SEM1: variants seen among roughly 807,000 people sequenced by gnomAD.
SEM1 encodes 26S proteasome complex subunit SEM1.
SEM1 carries 3 observed loss-of-function variants against 12.7 expected under a neutral mutation model. That is an observed-to-expected ratio of 0.24 (90% confidence interval 0.11 to 0.61). The LOEUF (loss-of-function observed/expected upper bound fraction) is 0.61, where lower values mean the gene tolerates loss of function less well. Among genes scored for constraint, SEM1 ranks in the 20% least tolerant of loss-of-function variants. SEM1 has a pLI of 0.88. For missense variants in SEM1, 59 were observed against 81.3 expected, an observed-to-expected ratio of 0.73 and a Z score of 1.06; for synonymous variants, 30 against 27.8, an observed-to-expected ratio of 1.08 and a Z score of -0.25.
intron 2 of SEM1, among the ~76,000 whole-genome samples, chr7:96,556,144 A>G (rs1271507303): frequency 6.6e-6 from 1 of 152,062 alleles, no homozygotes; most frequent in Non-Finnish European, 1.5e-5. Context: ...CTCTTTATCC[A>G]GTTTGCCAGT....
downstream of SEM1, among the ~76,000 whole-genome samples, chr7:96,670,518 C>A (rs574478638): frequency 5.9e-5 from 9 of 151,988 alleles, no homozygotes; most frequent in Non-Finnish European, 1.3e-4. Context: ...ATATAGATGC[C>A]AGGGAGATGG....
chr7:96,663,412 G>T (rs1422360288), intron 2 of SEM1, among the ~76,000 whole-genome samples: 2 of 152,216 alleles, frequency 1.3e-5, no homozygotes, highest in African/African-American at 4.8e-5. Context: ...CAAGAGATTT[G>T]CTGGGGACAG....
At chr7:96,482,555 T>G (rs1219566252) in exon 4 of SEM1, 1 of 152,152 alleles carries the variant, frequency 6.6e-6, no homozygotes, top group Non-Finnish European at 1.5e-5. Context: ...CTTACTTTCT[T>G]GATAAAGTTA....
chr7:96,560,831 A>G (rs1224585770), intron 2 of SEM1, among the ~76,000 whole-genome samples: 1 of 151,972 alleles, frequency 6.6e-6, no homozygotes, highest in Non-Finnish European at 1.5e-5. Context: ...ATCATTTTCC[A>G]TTTGATTTTA....
At chr7:96,649,200 C>A (rs1808891336) in intron 2 of SEM1, 1 of 152,170 alleles carries the variant, frequency 6.6e-6, no homozygotes, top group South Asian at 2.1e-4. Flanking sequence ...GCAGATAGAT[C>A]TAGCAATGAA....
At chr7:96,506,782 A>G (rs1803767976) in intron 2 of SEM1, 1 of 152,146 alleles carries the variant, frequency 6.6e-6, no homozygotes, top group South Asian at 2.1e-4. Flanking sequence ...CAAATATGTG[A>G]TAAAAATTCA....
chr7:96,592,468 T>C (rs754665017), intron 2 of SEM1, among the ~76,000 whole-genome samples: 5 of 151,916 alleles, frequency 3.3e-5, no homozygotes, highest in African/African-American at 1.2e-4. Context: ...CAGCTGGAGA[T>C]TGTCATATTC....
chr7:96,616,852 G>T (rs1247458719), intron 2 of SEM1, among the ~76,000 whole-genome samples: 1 of 152,000 alleles, frequency 6.6e-6, no homozygotes, highest in Non-Finnish European at 1.5e-5. Context: ...AGATCAGTTT[G>T]TTGTAATTAT....
downstream of SEM1, among the ~76,000 whole-genome samples, chr7:96,686,683 C>T (rs1789768107): frequency 6.6e-6 from 1 of 152,084 alleles, no homozygotes; most frequent in Non-Finnish European, 1.5e-5. Flanking sequence ...ACCATAAAAA[C>T]CCTAGAAGAA....
chr7:96,569,288 T>C (rs1805944576), intron 2 of SEM1, among the ~76,000 whole-genome samples: 1 of 152,020 alleles, frequency 6.6e-6, no homozygotes, highest in Admixed American at 6.6e-5. Context: ...AACAGATCTT[T>C]TGAAAAGAAA....
upstream of SEM1, among the ~76,000 whole-genome samples, chr7:96,496,751 A>G (rs1272478608): frequency 6.6e-6 from 1 of 152,182 alleles, no homozygotes; most frequent in Non-Finnish European, 1.5e-5. Flanking sequence ...AAAATTTTGT[A>G]GAGCTATCTC....
upstream of SEM1, among the ~76,000 whole-genome samples, chr7:96,500,111 G>A (rs1309431039): frequency 6.6e-6 from 1 of 152,010 alleles, no homozygotes; most frequent in Non-Finnish European, 1.5e-5. Context: ...GCACCCCTTT[G>A]CAAATAGGAG....
intron 1 of SEM1, among the ~76,000 whole-genome samples, chr7:96,708,474 A>G (rs1203985478): frequency 1.3e-5 from 2 of 152,260 alleles, no homozygotes; most frequent in Non-Finnish European, 2.9e-5. Flanking sequence ...TTAGTGAAGT[A>G]GTAATTGCTT....
chr7:96,617,553 G>C (rs1807758060), intron 2 of SEM1, among the ~76,000 whole-genome samples: 1 of 152,090 alleles, frequency 6.6e-6, no homozygotes, highest in African/African-American at 2.4e-5. Flanking sequence ...TGATTGCTCT[G>C]GTGAGGACTT....
At chr7:96,599,828 C>A (rs959639970) in intron 2 of SEM1, among the ~76,000 whole-genome samples, 2 of 152,160 alleles carry the variant, frequency 1.3e-5, no homozygotes, top group Non-Finnish European at 2.9e-5. Context: ...TTTATTTTCA[C>A]CTGTTGGAGA....
intron 2 of SEM1, among the ~76,000 whole-genome samples, chr7:96,586,100 A>G (rs1398836722): frequency 2.0e-5 from 3 of 152,184 alleles, no homozygotes; most frequent in Non-Finnish European, 4.4e-5. Context: ...TGGCCTCCCA[A>G]AGTGCTGGGA....
At chr7:96,619,286 GTTGA>G (rs983869727), downstream of SEM1, among the ~76,000 whole-genome samples, 4 of 152,122 alleles carry the variant, frequency 2.6e-5, no homozygotes, top group Non-Finnish European at 5.9e-5. Flanking sequence ...TATGTATTTT[GTTGA>G]TTAAGATACT....
Position 96,496,181 on chromosome 7 carries a change from ATAGT to A in SEM1, c.12+99_12+102del. On this transcript the variant is annotated intron_variant, in intron 1 of 3. Transcript: ENST00000356686. ...CCAAACATTCATTTTAACTCGTTAG[ATAGT>A]TAAAATCATCGTCATAGTACACTCA... is the stretch of plus-strand genomic sequence containing the variant. 4.4e-6 allele frequency: 3 copies of A among 687,876 alleles called. No homozygotes were observed. In the Middle Eastern group the frequency reaches 7.8e-4, roughly 178 times the overall value. The allele number at this position is 687,876 out of a possible 1,614,324, so 42.6% of individuals were successfully genotyped here.
At chr7:96,494,572 A>G (rs1041078796) in intron 1 of SEM1, among the ~76,000 whole-genome samples, 10 of 152,162 alleles carry the variant, frequency 6.6e-5, no homozygotes, top group African/African-American at 2.4e-4. Context: ...CAGAAAGTTA[A>G]CCCCAGAATC....
Sources: gnomAD v4.1 joint callset for allele counts (sites outside exome capture counted in the v4.1 genomes callset) on GRCh38, gnomAD v4.1.1 for gene constraint, MANE v1.5 for transcripts, NCBI Gene and HGNC (gene_info 2026-07-23, HGNC 2026-07-21) for gene names.